ABTB2: variants seen among roughly 807,000 people sequenced by gnomAD.
The protein encoded by ABTB2 is ankyrin repeat and BTB/POZ domain-containing protein 2.
A neutral mutation model predicts 104.1 loss-of-function variants in ABTB2; 56 were observed. That is an observed-to-expected ratio of 0.54 (90% CI 0.43 to 0.67). The LOEUF is 0.67. ABTB2 is among the 30% of genes least tolerant of loss of function. ABTB2 has a pLI of 0.00. For synonymous variants in ABTB2, 606 were observed against 608.2 expected, an observed-to-expected ratio of 1.00 and a Z score of 0.05; for missense variants, 1,279 against 1,407.7, an observed-to-expected ratio of 0.91 and a Z score of 1.46.
intron 1 of ABTB2, among the ~76,000 whole-genome samples, chr11:34,218,781 G>C (rs1055089453): frequency 2.7e-5 from 4 of 147,080 alleles, no homozygotes; most frequent in Non-Finnish European, 5.9e-5. Context: ...AGGAGGTGGA[G>C]GTTGCTGTGA....
At chr11:34,228,503 G>A (rs1486421303) in intron 1 of ABTB2, among the ~76,000 whole-genome samples, 2 of 152,100 alleles carry the variant, frequency 1.3e-5, no homozygotes, top group African/African-American at 4.8e-5. Context: ...TCCTGCCTCA[G>A]CCTCCAGAGT....
intron 7 of ABTB2, among the ~76,000 whole-genome samples, chr11:34,166,341 G>A (rs1852799545): frequency 6.6e-6 from 1 of 152,272 alleles, no homozygotes; most frequent in Non-Finnish European, 1.5e-5. Context: ...CAGTGCCAAG[G>A]CCGTGGAGGC....
chr11:34,305,325 C>T (rs977715846), intron 1 of ABTB2, among the ~76,000 whole-genome samples: 21 of 152,226 alleles, frequency 1.4e-4, no homozygotes, highest in African/African-American at 4.3e-4. Flanking sequence ...GACAGGCTTG[C>T]TCCCGCATGC....
At chr11:34,172,437 T>TATAG (rs67334558) in intron 4 of ABTB2, among the ~76,000 whole-genome samples, 29,161 of 92,042 alleles carry the variant, frequency 0.32, 4,449 homozygotes, top group East Asian at 0.47. Flanking sequence ...TGTGTGTGTA[T>TATAG]ATAGATAGAT....
intron 1 of ABTB2, among the ~76,000 whole-genome samples, chr11:34,284,708 A>C (rs1024318105): frequency 6.6e-6 from 1 of 152,250 alleles, no homozygotes; most frequent in East Asian, 1.9e-4. Context: ...CACACATAGG[A>C]ACATTTATAA....
chr11:34,335,316 C>T (rs1855180643), intron 1 of ABTB2: 1 of 1,102,982 alleles, frequency 9.1e-7, no homozygotes, highest in South Asian at 1.2e-5. Flanking sequence ...AAATGCCAAA[C>T]CAGATGATGG....
At chr11:34,312,245 T>C (rs1429657826) in intron 1 of ABTB2, among the ~76,000 whole-genome samples, 1 of 152,176 alleles carries the variant, frequency 6.6e-6, no homozygotes, top group South Asian at 2.1e-4. Context: ...CATCTCCAGA[T>C]ACCCCTAAAT....
intron 1 of ABTB2, among the ~76,000 whole-genome samples, chr11:34,268,757 T>C (rs927114361): frequency 6.6e-6 from 1 of 151,864 alleles, no homozygotes; most frequent in Non-Finnish European, 1.5e-5. Flanking sequence ...CCCTGGTAAG[T>C]TTTCCGTTGC....
intron 2 of ABTB2, among the ~76,000 whole-genome samples, chr11:34,202,598 C>T (rs2957500): frequency 0.96 from 145,784 of 152,258 alleles, 70,129 homozygotes; most frequent in East Asian, 1. Context: ...CCTAGCACTT[C>T]GGGAGGCCAA....
chr11:34,177,018 T>C (rs1164333342), intron 3 of ABTB2, among the ~76,000 whole-genome samples: 2 of 152,240 alleles, frequency 1.3e-5, no homozygotes, highest in Non-Finnish European at 2.9e-5. Context: ...ATATCAGTCC[T>C]TCTGATTGCA....
intron 1 of ABTB2, among the ~76,000 whole-genome samples, chr11:34,307,380 C>T (rs998925422): frequency 5.9e-5 from 9 of 152,198 alleles, no homozygotes; most frequent in African/African-American, 2.2e-4. Context: ...CTACATCTTC[C>T]CCCACCTCCT....
intron 3 of ABTB2, among the ~76,000 whole-genome samples, chr11:34,181,032 G>A (rs531011089): frequency 8.8e-4 from 134 of 152,266 alleles, no homozygotes; most frequent in African/African-American, 3.2e-3. Flanking sequence ...AGCCTCCTGA[G>A]TAGCTGGGAC....
intron 3 of ABTB2, among the ~76,000 whole-genome samples, chr11:34,190,251 A>C (rs894704804): frequency 0.023 from 2,033 of 87,582 alleles, no homozygotes; most frequent in African/African-American, 0.024. Context: ...CCCCTGCCCC[A>C]CCCCTGCCCC....
Position 34,327,961 on chromosome 11 carries a change from C to G in ABTB2, c.883+28740G>C, listed in dbSNP as rs148489396. 2.0e-3 allele frequency among the ~76,000 whole-genome samples: 305 copies of G among 152,324 alleles called. 2 individuals are homozygous for G. The highest frequency in any genetic ancestry group is 7.0e-3 in the African/African-American group (290 of 41,570). The stretch of plus-strand genomic sequence containing the variant: ...CTGGCTGTTTAACATTTCCAACCCT[C>G]ATTCTGCCTGTACTCTGAAATGTGT... On this transcript the variant is annotated intron_variant, in intron 1 of 16. Transcript: ENST00000435224.
chr11:34,310,913 TG>T (rs1854844838), intron 1 of ABTB2, among the ~76,000 whole-genome samples: 1 of 152,220 alleles, frequency 6.6e-6, no homozygotes, highest in Non-Finnish European at 1.5e-5. Flanking sequence ...GTGCTGTTTT[TG>T]GAAGGGAAGC....
At chr11:34,239,038 C>T (rs920787041) in intron 1 of ABTB2, among the ~76,000 whole-genome samples, 1 of 152,224 alleles carries the variant, frequency 6.6e-6, no homozygotes, top group African/African-American at 2.4e-5. Context: ...CAGGCATGAG[C>T]CACCACGCCC....
At chr11:34,182,290 T>C (rs958082202) in intron 3 of ABTB2, among the ~76,000 whole-genome samples, 3 of 152,164 alleles carry the variant, frequency 2.0e-5, no homozygotes, top group African/African-American at 7.2e-5. Flanking sequence ...CCAGCTCACA[T>C]CTTGTACTCA....
chr11:34,249,296 G>T lies in ABTB2; in HGVS notation c.884-44606C>A, dbSNP rs548729965. On this transcript the variant is annotated intron_variant, in intron 1 of 16. Transcript: ENST00000435224. ...AGGACAAGCTTCAGAATCTGGCCCT[G>T]AACTGCAACTGTGGTCAGTGTAGGA... 3.9e-5 allele frequency among the ~76,000 whole-genome samples: 6 copies of T among 152,308 alleles called. No individual in the cohort carries two copies. The South Asian group carries it at 8.3e-4, about 21-fold the overall frequency.
At chr11:34,336,628 G>A (rs1564935532) in intron 1 of ABTB2, among the ~76,000 whole-genome samples, 1 of 151,988 alleles carries the variant, frequency 6.6e-6, no homozygotes, top group Non-Finnish European at 1.5e-5. Context: ...AGGTGACAGA[G>A]GGAGGCCCTG....
Sources: gnomAD v4.1 joint callset for allele counts (sites outside exome capture counted in the v4.1 genomes callset) on GRCh38, gnomAD v4.1.1 for gene constraint, MANE v1.5 for transcripts, NCBI Gene and HGNC (gene_info 2026-07-23, HGNC 2026-07-21) for gene names.